Variants in WDFY3 observed in about 807,000 individuals in gnomAD.
The protein encoded by WDFY3 is WD repeat and FYVE domain containing 3, also known as WD repeat and FYVE domain-containing protein 3.
In WDFY3, 66 loss-of-function variants were observed where a neutral mutation model predicts 409.6. That is an observed-to-expected ratio of 0.16 (90% CI 0.13 to 0.20). The LOEUF (loss-of-function observed/expected upper bound fraction) is 0.20. Among genes scored for constraint, WDFY3 ranks in the 10% least tolerant of loss-of-function variants. The probability of loss-of-function intolerance (pLI) is 1.00; values close to 1 mark genes in which losing one functional copy is unlikely to be tolerated. For synonymous variants in WDFY3, 1,521 were observed against 1,537.1 expected, an observed-to-expected ratio of 0.99 and a Z score of 0.25; for missense variants, 3,031 against 4,298.1, an observed-to-expected ratio of 0.71 and a Z score of 8.24.
intron 51 of WDFY3, among the ~76,000 whole-genome samples, chr4:84,710,802 C>T (rs940243889): frequency 1.3e-5 from 2 of 152,078 alleles, no homozygotes; most frequent in Admixed American, 6.6e-5. Context: ...ATCTAGGAAG[C>T]AGTAGCAATT....
Position 84,677,218 on chromosome 4 carries a change from C to A in WDFY3, c.10438G>T (p.Gly3480Cys). Residue 3480 changes from glycine to cysteine, a missense_variant, in exon 67 of 68, where the codon GGT (glycine) becomes TGT (cysteine). This residue lies in a region of WDFY3 where 378 missense variants were observed against 477.3 expected (regional missense o/e 0.79). Coordinates refer to ENST00000295888, the MANE Select transcript of WDFY3 (RefSeq NM_014991.6). ...TERRHHCRNC[G>C]QLFCQKCSRF... ...TCTTACTTCTGGCAGAAGAGCTGAC[C>A]ACAGTTCCTGCAATGGTGTCGTCTT... The A allele has an allele frequency of 6.2e-7, 1 of 1,614,156 alleles. No individual in the cohort carries two copies. The highest frequency in any genetic ancestry group is 8.5e-7 in the Non-Finnish European group (1 of 1,180,018).
intron 3 of WDFY3, among the ~76,000 whole-genome samples, chr4:84,864,365 CAAAAAAAAAAAA>C (rs35016773): frequency 6.1e-5 from 2 of 32,560 alleles, no homozygotes; most frequent in African/African-American, 2.3e-4. Context: ...GACTCCATCT[CAAAAAAAAAAAA>C]AAAAAAAAAA....
intron 36 of WDFY3, among the ~76,000 whole-genome samples, chr4:84,746,422 C>T (rs1470792310): frequency 2.0e-5 from 3 of 152,260 alleles, no homozygotes; most frequent in African/African-American, 4.8e-5. Context: ...GTTTTGAAGT[C>T]TGTAAAACAA....
intron 64 of WDFY3, among the ~76,000 whole-genome samples, chr4:84,679,850 A>C (rs1048534839): frequency 1.3e-4 from 19 of 151,178 alleles, no homozygotes; most frequent in Non-Finnish European, 1.5e-4. Context: ...ATACACACAC[A>C]CACACACACA....
intron 1 of WDFY3, among the ~76,000 whole-genome samples, chr4:84,959,074 TCAC>T (rs1774595049): frequency 6.6e-6 from 1 of 152,168 alleles, no homozygotes. Context: ...TCTACTCCCC[TCAC>T]CACTAGAATT....
At chr4:84,709,994 T>C (rs573072029) in intron 51 of WDFY3, among the ~76,000 whole-genome samples, 2 of 152,338 alleles carry the variant, frequency 1.3e-5, no homozygotes, top group Middle Eastern at 6.8e-3. Flanking sequence ...AGTGCTAGGA[T>C]TACAGGCATA....
At chr4:84,846,715 T>C (rs954949330) in intron 5 of WDFY3, among the ~76,000 whole-genome samples, 1 of 151,388 alleles carries the variant, frequency 6.6e-6, no homozygotes, top group African/African-American at 2.4e-5. Context: ...GTAAACGTAT[T>C]TTTAAAAGGT....
intron 3 of WDFY3, among the ~76,000 whole-genome samples, chr4:84,866,498 G>A (rs988079173): frequency 2.6e-5 from 4 of 152,164 alleles, no homozygotes; most frequent in South Asian, 4.1e-4. Flanking sequence ...TTTCCACCAC[G>A]TCCTAGATGG....
intron 3 of WDFY3, among the ~76,000 whole-genome samples, chr4:84,894,612 C>A (rs1030213826): frequency 3.9e-5 from 6 of 152,060 alleles, no homozygotes; most frequent in Non-Finnish European, 8.8e-5. Flanking sequence ...CATAGTGAAA[C>A]CCTGTCTCTA....
chr4:84,718,266 G>A (rs1332224516), intron 48 of WDFY3, among the ~76,000 whole-genome samples, 156 bp downstream of exon 48: 1 of 151,746 alleles, frequency 6.6e-6, no homozygotes, highest in Non-Finnish European at 1.5e-5. Context: ...TAAAATAACT[G>A]AATATCATCT....
At chr4:84,935,150 T>C (rs1449952092) in intron 1 of WDFY3, among the ~76,000 whole-genome samples, 1 of 152,200 alleles carries the variant, frequency 6.6e-6, no homozygotes, top group African/African-American at 2.4e-5. Context: ...CCTCCAAGTT[T>C]TGTTTTGCTA....
At chr4:84,940,275 G>C (rs1407383192) in intron 1 of WDFY3, among the ~76,000 whole-genome samples, 1 of 151,972 alleles carries the variant, frequency 6.6e-6, no homozygotes, top group Non-Finnish European at 1.5e-5. Context: ...GACGGTATAT[G>C]GTTATAGTTA....
chr4:84,683,700 T>A (rs1727804431), intron 63 of WDFY3, among the ~76,000 whole-genome samples: 1 of 152,176 alleles, frequency 6.6e-6, no homozygotes, highest in Non-Finnish European at 1.5e-5. Flanking sequence ...TTGACTGACC[T>A]CACTGTGTCA....
chr4:84,696,173 A>C lies in WDFY3; in HGVS notation c.8698T>G (p.Cys2900Gly), dbSNP rs756938330. Residue 2900 changes from cysteine to glycine, a missense_variant, in exon 58 of 68, where the codon TGT becomes GGT. By Grantham distance (159) the Cys-to-Gly change is radical (BLOSUM62 -3). Around this residue, in one of 16 missense-constraint regions of WDFY3, gnomAD observed 129 missense variants for 305.3 expected, o/e 0.42. Transcript: ENST00000295888. ...TGTAGATGGGCACTCACGTAATCAC[A>C]CTCCAAAGCCTGTAATTTCAAACAT... ...FIRVHREALECDYVSAHLHEW... is the reference protein window; with the variant it reads ...FIRVHREALEGDYVSAHLHEW... The C allele has an allele frequency of 1.2e-6, 2 of 1,614,010 alleles. No homozygotes were observed. The highest frequency in any genetic ancestry group is 1.7e-6 in the Non-Finnish European group (2 of 1,179,976).
chr4:84,780,720 C>T (rs758746191), intron 25 of WDFY3, among the ~76,000 whole-genome samples: 5 of 151,878 alleles, frequency 3.3e-5, no homozygotes, highest in Non-Finnish European at 2.9e-5. Flanking sequence ...GCCGAGATCG[C>T]GCCACCGCAC....
In WDFY3 at chr4:84,792,964, A is replaced by G. The variant is rs75030120; in HGVS notation, c.3487+1555T>C. Among the ~76,000 whole-genome samples the G allele has an allele frequency of 2.6e-5, 4 of 152,242 alleles. No individual in the cohort carries two copies. In the East Asian group the frequency reaches 7.7e-4, roughly 29 times the overall value. On this transcript the variant is annotated intron_variant, in intron 21 of 67. Transcript: ENST00000295888. ...AGCAGACAAAACAAATTAAAAATTA[A>G]AATCTATGAAGTCTAGATAAGAGAT...
intron 37 of WDFY3, 144 bp from the exon 38 acceptor site, chr4:84,742,065 G>A (rs1738533417): frequency 4.5e-6 from 3 of 660,366 alleles, no homozygotes; most frequent in Admixed American, 3.6e-5. Flanking sequence ...TGCACTACTT[G>A]AAGAAAATGA....
chr4:84,868,812 T>C (rs1020750294), intron 3 of WDFY3, among the ~76,000 whole-genome samples: 2 of 152,192 alleles, frequency 1.3e-5, no homozygotes, highest in Admixed American at 1.3e-4. Context: ...TAGATTTATC[T>C]TAATAGTTAA....
intron 3 of WDFY3, among the ~76,000 whole-genome samples, chr4:84,879,809 A>G (rs1399829513): frequency 6.6e-6 from 1 of 152,238 alleles, no homozygotes; most frequent in East Asian, 1.9e-4. Flanking sequence ...CCCAATAGAA[A>G]AATGAACAAA....
Sources: allele counts gnomAD v4.1 joint callset (sites outside exome capture counted in the v4.1 genomes callset), GRCh38; gene constraint gnomAD v4.1.1; regional missense constraint gnomAD v4.1.1; transcripts MANE v1.5; gene names NCBI Gene and HGNC (gene_info 2026-07-23, HGNC 2026-07-21).